Variants in FAN1 observed in about 807,000 individuals in gnomAD.
FAN1 encodes FANCD2 and FANCI associated nuclease 1.
In FAN1, 91 loss-of-function variants were observed where a neutral mutation model predicts 104.9. The observed-to-expected ratio is 0.87, with a 90% CI of 0.73 to 1.03. The LOEUF (loss-of-function observed/expected upper bound fraction) is 1.03, where lower values mean the gene tolerates loss of function less well. Among genes scored for constraint, FAN1 ranks in the 50% least tolerant of loss-of-function variants. The pLI, the probability that FAN1 is intolerant of heterozygous loss-of-function variation, is 0.00. For synonymous variants in FAN1, 478 were observed against 457.6 expected (o/e 1.04, Z -0.57); for missense variants, 1,263 against 1,239.9 (o/e 1.02, Z -0.28).
In FAN1 at chr15:30,905,910, C is replaced by T. The variant is rs966076742; in HGVS notation, c.1234+13C>T. ...TATCAGTTATCAGGTATCTTACGCACGTGTTTGTTTTCAAGTTTTCATTCC... is the reference window on the plus strand; with the variant it reads ...TATCAGTTATCAGGTATCTTACGCATGTGTTTGTTTTCAAGTTTTCATTCC... On this transcript the variant is annotated intron_variant, in intron 2 of 14. Coordinates refer to ENST00000362065, the MANE Select transcript of FAN1 (RefSeq NM_014967.5). The T allele has an allele frequency of 5.6e-6, 9 of 1,600,000 alleles. No individual in the cohort carries two copies. The highest frequency in any genetic ancestry group is 1.7e-4 in the Middle Eastern group (1 of 6,010).
At chr15:30,928,452 TTGAGTG>T in intron 10 of FAN1, 95 bp from the exon 11 acceptor site, 7 of 1,521,318 alleles carry the variant, frequency 4.6e-6, no homozygotes, top group Non-Finnish European at 6.1e-6. Flanking sequence ...TTTCTTGAAA[TTGAGTG>T]TGCAGTAGGT....
chr15:30,908,412 T>A (rs919084163), intron 3 of FAN1, among the ~76,000 whole-genome samples, 154 bp downstream of exon 3: 5 of 152,198 alleles, frequency 3.3e-5, no homozygotes, highest in African/African-American at 1.2e-4. Flanking sequence ...GACAACAAAT[T>A]ACTCATGTGA....
At chr15:30,920,715 G>A (rs1400422818) in intron 7 of FAN1, 62 bp downstream of exon 7, 4 of 935,932 alleles carry the variant, frequency 4.3e-6, no homozygotes, top group Admixed American at 4.4e-5. Context: ...CATGTGAAGG[G>A]ACAGCTGTCG....
At position 30,911,476 on chromosome 15, in the gene FAN1, C is replaced by A. The variant is rs2062099531; in HGVS notation, c.1577+661C>A. 6 of 983,564 alleles carry A rather than the reference C, an allele frequency of 6.1e-6. No homozygotes were observed. The South Asian group carries it at 1.4e-4, about 23-fold the overall frequency. 60.9% of individuals were successfully genotyped at this position (983,564 alleles called of 1,614,324 possible). A position where few individuals can be genotyped will look rare whatever the true frequency, so the allele number is the denominator to read the frequency against. On this transcript the variant is annotated intron_variant, in intron 4 of 14. Transcript: ENST00000362065. Reference sequence around the variant, plus strand: ...TTTGTATATTTCAGTTGTTATGAGCCCATCCTTGTTGGGGAGGTGCTATAA... The same window carrying A: ...TTTGTATATTTCAGTTGTTATGAGCACATCCTTGTTGGGGAGGTGCTATAA...
intron 6 of FAN1, among the ~76,000 whole-genome samples, chr15:30,918,506 T>G (rs1595847081): frequency 6.6e-6 from 1 of 152,290 alleles, no homozygotes; most frequent in African/African-American, 2.4e-5. Context: ...TTGATATAAC[T>G]CAGATCCCTG....
In FAN1 at chr15:30,904,815, T is replaced by A; in HGVS notation, c.152T>A (p.Val51Glu). 1 of 1,613,412 alleles carries A rather than the reference T, an allele frequency of 6.2e-7. No individual in the cohort carries two copies. Among genetic ancestry groups the A allele is most frequent in the Non-Finnish European group, 8.5e-7 (1 of 1,179,392 alleles). Residue 51 changes from valine (V) to glutamate (E), a missense_variant, in exon 2 of 15, where the codon GTG becomes GAG. This residue lies in a region of FAN1 where 682 missense variants were observed against 571.1 expected (regional missense o/e 1.19). Transcript: ENST00000362065. Reference protein sequence around the residue: ...KLACPVCSKMVPRYDLNRHLD... With the variant: ...KLACPVCSKMEPRYDLNRHLD... ...GCCTGCCCCGTTTGCAGTAAAATGG[T>A]GCCTAGATATGACTTAAACCGGCAC...
intron 14 of FAN1, 61 bp from the exon 15 acceptor site, chr15:30,941,505 A>G (rs2063051854): frequency 6.2e-7 from 1 of 1,611,852 alleles, no homozygotes; most frequent in South Asian, 1.1e-5. Context: ...GTAGACAACC[A>G]TATTTTGGCC....
intron 12 of FAN1, among the ~76,000 whole-genome samples, chr15:30,930,304 C>T (rs913342765): frequency 1.3e-5 from 2 of 152,100 alleles, no homozygotes; most frequent in African/African-American, 2.4e-5. Flanking sequence ...AGCATGGCCA[C>T]GCTGGCAGAA....
rs755140957 is a variant in FAN1 at position 30,925,780 on chromosome 15, C to G, written c.2338-9C>G. ...GAGGCTAATAGATGTTATTCTGCTG[C>G]TGTTTCAGGTGACCATCACAGGCAG... On this transcript the variant is annotated splice_polypyrimidine_tract_variant and intron_variant, in intron 9 of 14. Coordinates refer to ENST00000362065, the MANE Select transcript of FAN1 (RefSeq NM_014967.5). 2 of 1,613,886 alleles carry G rather than the reference C, an allele frequency of 1.2e-6. No homozygotes were observed. Among genetic ancestry groups the G allele is most frequent in the East Asian group, 2.2e-5 (1 of 44,892 alleles).
chr15:30,922,117 T>C, intron 7 of FAN1, 118 bp from the exon 8 acceptor site: 1 of 1,324,730 alleles, frequency 7.5e-7, no homozygotes, highest in African/African-American at 1.5e-5. Context: ...TTGGCCTCAT[T>C]GTAGAATGGA....
At chr15:30,940,499 C>G (rs915261746) in intron 14 of FAN1, 8 of 985,308 alleles carry the variant, frequency 8.1e-6, no homozygotes, top group Non-Finnish European at 9.6e-6. Context: ...TTAGTTATTT[C>G]CAGGGGGAAG....
At chr15:30,917,344 C>T (rs530506244) in intron 5 of FAN1, among the ~76,000 whole-genome samples, 3 of 152,062 alleles carry the variant, frequency 2.0e-5, no homozygotes, top group Non-Finnish European at 4.4e-5. Context: ...TGGGTCTGGC[C>T]TGGAAAAAGT....
In FAN1 at chr15:30,925,842, T is replaced by C; in HGVS notation, c.2391T>C (p.Phe797=). Residue 797 remains phenylalanine, a synonymous_variant, in exon 10 of 15, where the codon TTT becomes TTC. Transcript: ENST00000362065. The stretch of plus-strand genomic sequence containing the variant: ...AGCGTGGGATGTGCAAGTCTGTGTT[T>C]GTGATGGAGGCCGGGGAGGCCGCTG... ...CPQRGMCKSV[F]VMEAGEAADP... is the part of the protein sequence containing the mutation. 1 of 1,614,260 alleles carries C rather than the reference T, an allele frequency of 6.2e-7. No homozygotes were observed. Among genetic ancestry groups the C allele is most frequent in the Non-Finnish European group, 8.5e-7 (1 of 1,180,050 alleles).
rs775719486 is a variant in FAN1 at position 30,910,801 on chromosome 15, A to G, written c.1563A>G (p.Ala521=). 5 of 1,613,562 alleles carry G rather than the reference A, an allele frequency of 3.1e-6. No homozygotes were observed. The highest frequency in any genetic ancestry group is 4.2e-6 in the Non-Finnish European group (5 of 1,179,810). ...GCAAGAATAAGCCTGGAATTGGTGC[A>G]GTGATTTTAAAAAGGTTTTGTTGGC... The part of the protein sequence containing the change: ...TWGKNKPGIG[A]VILKRAKALA... The change falls in exon 4 of 15, where the codon GCA becomes GCG. Residue 521 remains alanine, a synonymous_variant. Coordinates refer to ENST00000362065, the MANE Select transcript of FAN1 (RefSeq NM_014967.5).
chr15:30,904,417 T>C, intron 1 of FAN1, 95 bp from the exon 2 acceptor site: 2 of 583,334 alleles, frequency 3.4e-6, no homozygotes, highest in Non-Finnish European at 6.1e-6. Flanking sequence ...GTCTCCTCGT[T>C]ACAGGAGACC....
At chr15:30,912,765 A>G (rs913932763) in intron 4 of FAN1, among the ~76,000 whole-genome samples, 1 of 152,210 alleles carries the variant, frequency 6.6e-6, no homozygotes, top group Non-Finnish European at 1.5e-5. Flanking sequence ...AGCTAATGGC[A>G]TCTAGTGACT....
Position 30,930,560 on chromosome 15 carries a change from G to GC in FAN1, c.2805_2806insC (p.Gly936ArgfsTer15). 6.3e-7 allele frequency: 1 copy of GC among 1,598,444 alleles called. No homozygotes were observed. The highest frequency in any genetic ancestry group is 8.5e-7 in the Non-Finnish European group (1 of 1,175,574). On this transcript the variant is annotated frameshift_variant, in exon 13 of 15. Transcript: ENST00000362065. LOFTEE classifies it high-confidence loss of function. The stretch of plus-strand genomic sequence containing the variant: ...GTGTTCAGGATCTTGTCTCCTGCCT[G>GC]GGGGGCCCTGTGCTCAGTGGTGTGT...
Position 30,908,187 on chromosome 15 carries a change from AGTAT to A in FAN1, c.1306_1309del (p.Tyr436LysfsTer5). 1 of 1,611,638 alleles carries A rather than the reference AGTAT, an allele frequency of 6.2e-7. No individual in the cohort carries two copies. Among genetic ancestry groups the A allele is most frequent in the Non-Finnish European group, 8.5e-7 (1 of 1,178,894 alleles). ...AGCTGGATTAAGATGACCAAATTAG[AGTAT>A]GAAGAGATTGCCTTAGACTTAACAC... On this transcript the variant is annotated frameshift_variant, in exon 3 of 15. Transcript: ENST00000362065. LOFTEE classifies it high-confidence loss of function.
At chr15:30,936,503 A>G (rs190359823) in intron 13 of FAN1, among the ~76,000 whole-genome samples, 72 of 152,352 alleles carry the variant, frequency 4.7e-4, no homozygotes, top group Non-Finnish European at 9.0e-4. Context: ...TTCATTTGCT[A>G]TACTAAGAAT....
Sources: allele counts gnomAD v4.1 joint callset (sites outside exome capture counted in the v4.1 genomes callset), GRCh38; gene constraint gnomAD v4.1.1; regional missense constraint gnomAD v4.1.1; transcripts MANE v1.5; gene names NCBI Gene and HGNC (gene_info 2026-07-23, HGNC 2026-07-21).